HDAC9: variants seen among roughly 807,000 people sequenced by gnomAD.
HDAC9 encodes MEF-2 interacting transcription repressor (MITR) protein.
A neutral mutation model predicts 139.4 loss-of-function variants in HDAC9; 41 were observed. The observed-to-expected ratio is 0.29, with a 90% CI of 0.23 to 0.38. The LOEUF (loss-of-function observed/expected upper bound fraction) is 0.38. HDAC9 is among the 10% of genes least tolerant of loss of function. The pLI is 1.00. For missense variants in HDAC9, 1,147 were observed against 1,297.0 expected (o/e 0.88, Z 1.78); for synonymous variants, 517 against 476.2 (o/e 1.09, Z -1.12).
In HDAC9 at chr7:18,732,720, C is replaced by G. The variant is rs1178138; in HGVS notation, c.1909+4963C>G. Among the ~76,000 whole-genome samples the G allele has an allele frequency of 1.2e-4, 7 of 57,548 alleles. 1 individual carries two copies. 37.8% of individuals were successfully genotyped at this position (57,548 alleles called of 152,430 possible). A position where few individuals can be genotyped will look rare whatever the true frequency, so the allele number is the denominator to read the frequency against. ...ACACGTGTATGTGTGCGTATGTGTA[C>G]ACACACACACGTGTATGTGTGCGTA... On this transcript the variant is annotated intron_variant, in intron 13 of 25. Transcript: ENST00000686413.
In HDAC9 at chr7:18,819,589, T is replaced by C. The variant is rs141791724; in HGVS notation, c.2323-9572T>C. Among the ~76,000 whole-genome samples the C allele has an allele frequency of 6.8e-4, 103 of 152,302 alleles. 2 individuals carry two copies. The East Asian group carries it at 0.017, about 25-fold the overall frequency. ...GGCTATATTTGGCAATCAAATATTC[T>C]CTTGTACTTCCGCATATGGTCCCAC... On this transcript the variant is annotated intron_variant, in intron 17 of 25. Transcript: ENST00000686413.
chr7:18,551,825 T>G lies in HDAC9; in HGVS notation c.23-33456T>G, dbSNP rs114320122. 9.1e-3 allele frequency among the ~76,000 whole-genome samples: 1,391 copies of G among 152,312 alleles called. 26 individuals are homozygous for G. Among genetic ancestry groups the G allele is most frequent in the African/African-American group, 0.032 (1,335 of 41,580 alleles). ...TTTGGTGTTAACAGTTTTTCTGTGG[T>G]GAGTCTGAATTTCCTTGAGCCGTTA... is the stretch of plus-strand genomic sequence containing the variant. On this transcript the variant is annotated intron_variant, in intron 2 of 25. Transcript: ENST00000686413.
At chr7:18,962,615 C>T (rs1333350201) in intron 24 of HDAC9, among the ~76,000 whole-genome samples, 2 of 151,972 alleles carry the variant, frequency 1.3e-5, no homozygotes, top group East Asian at 3.9e-4. Context: ...GCTTCTAGGA[C>T]TGAAAACTCT....
At position 18,361,655 on chromosome 7, in the gene HDAC9, G is replaced by C. The variant is rs571120493; in HGVS notation, c.-42+71140G>C. On this transcript the variant is annotated intron_variant, in intron 1 of 3. Coordinates refer to the HDAC9 transcript ENST00000413509. Reference sequence around the variant, plus strand: ...TCAATAGGCATAAAATTTTACTGAGGGTTAGATTTCTGTTGAATATATGGT... The same window carrying C: ...TCAATAGGCATAAAATTTTACTGAGCGTTAGATTTCTGTTGAATATATGGT... Among the ~76,000 whole-genome samples the C allele has an allele frequency of 7.4e-4, 112 of 152,090 alleles. 1 individual carries two copies. Among genetic ancestry groups the C allele is most frequent in the East Asian group, 5.8e-4 (3 of 5,170 alleles).
intron 22 of HDAC9, chr7:18,892,786 A>G (rs899781095): frequency 1.3e-5 from 2 of 152,182 alleles, no homozygotes; most frequent in African/African-American, 2.4e-5. Flanking sequence ...TCAGGAAGGT[A>G]TATTTGTTTT....
intron 1 of HDAC9, among the ~76,000 whole-genome samples, chr7:18,294,812 A>G (rs1396726917): frequency 6.6e-6 from 1 of 152,178 alleles, no homozygotes; most frequent in Non-Finnish European, 1.5e-5. Context: ...AACTATTTCA[A>G]TAGCTTAGTC....
intron 2 of HDAC9, among the ~76,000 whole-genome samples, chr7:18,253,293 G>A (rs1335345152): frequency 6.6e-6 from 1 of 152,098 alleles, no homozygotes; most frequent in African/African-American, 2.4e-5. Context: ...TGGGTTGAAT[G>A]GTATTTCTGT....
At position 18,565,984 on chromosome 7, in the gene HDAC9, A is replaced by T. The variant is rs535621294; in HGVS notation, c.23-19297A>T. Among the ~76,000 whole-genome samples, 14 of 152,224 alleles carry T rather than the reference A, an allele frequency of 9.2e-5. No homozygotes were observed. In the South Asian group the frequency reaches 2.7e-3, roughly 29 times the overall value. ...TCACATTTCATAGGATCAGAATAAT[A>T]TTTCTGATTTTTCTCAAACTGGGTA... On this transcript the variant is annotated intron_variant, in intron 2 of 25. Transcript: ENST00000686413.
chr7:18,431,039 C>CCTGTT (rs1370322002), intron 1 of HDAC9, among the ~76,000 whole-genome samples: 2 of 151,392 alleles, frequency 1.3e-5, no homozygotes, highest in African/African-American at 4.9e-5. Context: ...CCTGTCCTGT[C>CCTGTT]CTGTCCTGTC....
chr7:18,700,656 T>A (rs574486982), intron 12 of HDAC9, among the ~76,000 whole-genome samples: 1 of 152,310 alleles, frequency 6.6e-6, no homozygotes, highest in African/African-American at 2.4e-5. Flanking sequence ...CAGCTGGTGG[T>A]TCTTCTGTTC....
At chr7:18,981,018 G>A (rs1784914034) in intron 25 of HDAC9, among the ~76,000 whole-genome samples, 1 of 151,854 alleles carries the variant, frequency 6.6e-6, no homozygotes, top group African/African-American at 2.4e-5. Context: ...GTAGAGATGG[G>A]GTTTTACCGT....
chr7:18,540,362 A>G (rs1812428755), intron 2 of HDAC9, among the ~76,000 whole-genome samples: 1 of 151,914 alleles, frequency 6.6e-6, no homozygotes, highest in Non-Finnish European at 1.5e-5. Flanking sequence ...CACTGTCATC[A>G]TCAAATTGAA....
chr7:18,909,311 T>TTAAC (rs1802541347), intron 22 of HDAC9, among the ~76,000 whole-genome samples: 2 of 151,960 alleles, frequency 1.3e-5, no homozygotes, highest in South Asian at 4.1e-4. Context: ...AATTAATTAA[T>TTAAC]AGTTTACAAA....
At chr7:18,606,052 A>G (rs768994938) in intron 6 of HDAC9, among the ~76,000 whole-genome samples, 4 of 152,160 alleles carry the variant, frequency 2.6e-5, no homozygotes, top group Non-Finnish European at 4.4e-5. Context: ...ACACCTCATT[A>G]AAATTACCTC....
intron 1 of HDAC9, among the ~76,000 whole-genome samples, chr7:18,374,199 GTATATATATATATATA>G (rs371983993): frequency 7.0e-6 from 1 of 143,132 alleles, no homozygotes; most frequent in Non-Finnish European, 1.5e-5. Flanking sequence ...ATGTATGTGT[GTATATATATATATATA>G]TATACACACA....
rs1584924235 is a variant in HDAC9, at chr7:18,727,774, A to G, written c.1909+17A>G. 4 of 1,485,632 alleles carry G rather than the reference A, an allele frequency of 2.7e-6. No individual in the cohort carries two copies. Among genetic ancestry groups the G allele is most frequent in the Non-Finnish European group, 3.6e-6 (4 of 1,122,414 alleles). The allele number at this position is 1,485,632 out of a possible 1,614,324, so 92.0% of individuals were successfully genotyped here. On this transcript the variant is annotated intron_variant, in intron 13 of 25. Transcript: ENST00000686413. ...CTGCAACTGGTAGGAATCCCTAAAGACTCTCTCTAATAGGCAGGCTAAATG... is the reference window on the plus strand; with the variant it reads ...CTGCAACTGGTAGGAATCCCTAAAGGCTCTCTCTAATAGGCAGGCTAAATG...
At chr7:18,649,288 G>A (rs529450583) in intron 11 of HDAC9, among the ~76,000 whole-genome samples, 1 of 152,114 alleles carries the variant, frequency 6.6e-6, no homozygotes, top group Non-Finnish European at 1.5e-5. Flanking sequence ...CAAAGAAACA[G>A]TGATTGCAGC....
chr7:18,117,911 C>G (rs1242532970), intron 1 of HDAC9, among the ~76,000 whole-genome samples: 1 of 152,284 alleles, frequency 6.6e-6, no homozygotes, highest in Non-Finnish European at 1.5e-5. Flanking sequence ...TTGACTCTTT[C>G]TCCTGTAGTT....
At chr7:18,819,767 A>G (rs917651583) in intron 17 of HDAC9, among the ~76,000 whole-genome samples, 3 of 152,222 alleles carry the variant, frequency 2.0e-5, no homozygotes, top group Non-Finnish European at 4.4e-5. Flanking sequence ...TTCTATTATT[A>G]GTCATGTTCA....
Sources: gnomAD v4.1 joint callset for allele counts (sites outside exome capture counted in the v4.1 genomes callset) on GRCh38, gnomAD v4.1.1 for gene constraint, MANE v1.5 for transcripts, NCBI Gene and HGNC (gene_info 2026-07-23, HGNC 2026-07-21) for gene names.